Variants in PTPRK observed in about 807,000 individuals in gnomAD.
PTPRK encodes the protein receptor-type tyrosine-protein phosphatase kappa.
PTPRK carries 75 observed loss-of-function variants against 178.0 expected under a neutral mutation model. The ratio of observed to expected loss-of-function variants is 0.42; its 90% confidence interval spans 0.35 to 0.51. The LOEUF (loss-of-function observed/expected upper bound fraction) is 0.51, where lower values mean the gene tolerates loss of function less well. Ranked by LOEUF, PTPRK falls within the 20% of genes least tolerant of loss-of-function variation. The pLI is 0.02. For synonymous variants in PTPRK, 637 were observed against 620.6 expected, an observed-to-expected ratio of 1.03 and a Z score of -0.39; for missense variants, 1,441 against 1,797.8, an observed-to-expected ratio of 0.80 and a Z score of 3.59.
intron 1 of PTPRK, among the ~76,000 whole-genome samples, chr6:128,402,253 GTT>G (rs1342270959): frequency 8.8e-5 from 5 of 56,558 alleles, no homozygotes; most frequent in South Asian, 5.9e-4. Flanking sequence ...TTGTTTGTTT[GTT>G]TTTGTTTTTG....
Position 127,985,762 on chromosome 6 carries a change from T to A in PTPRK, c.3210A>T (p.Leu1070Phe). Reference protein sequence around the residue: ...GLLSFIRRVKLSNPPSAGPIV... With the variant: ...GLLSFIRRVKFSNPPSAGPIV... ...TGGGGCCAGCACTGGGAGGGTTTGATAACTTGACTCGCCGGATAAAGGAAA... is the reference window on the plus strand; with the variant it reads ...TGGGGCCAGCACTGGGAGGGTTTGAAAACTTGACTCGCCGGATAAAGGAAA... The change falls in exon 22 of 30, where the codon TTA (leucine) becomes TTT (phenylalanine). Residue 1070 changes from leucine (L) to phenylalanine (F), a missense_variant. Physicochemically the swap from Leu to Phe is conservative, Grantham distance 22. This residue lies in a region of PTPRK where 335 missense variants were observed against 512.4 expected (regional missense o/e 0.65). Coordinates refer to ENST00000368226, the MANE Select transcript of PTPRK (RefSeq NM_002844.4). 1 of 1,613,950 alleles carries A rather than the reference T, an allele frequency of 6.2e-7. No individual in the cohort carries two copies. Among genetic ancestry groups the A allele is most frequent in the Non-Finnish European group, 8.5e-7 (1 of 1,179,924 alleles).
chr6:128,397,674 C>G lies in PTPRK; in HGVS notation c.115G>C (p.Asp39His). The G allele has an allele frequency of 1.2e-6, 2 of 1,613,374 alleles. No individual in the cohort carries two copies. The highest frequency in any genetic ancestry group is 1.7e-6 in the Non-Finnish European group (2 of 1,179,474). ...TAATCACAGGCCCCTGGACCATCAT[C>G]AAAAGTACAGCCACCTAGGAGAAAA... The part of the protein sequence containing the change: ...GQFSAGGCTF[D>H]DGPGACDYHQ... Residue 39 changes from aspartate (D) to histidine (H), a missense_variant, in exon 2 of 30, where the codon GAT (aspartate) becomes CAT (histidine). Physicochemically the swap from Asp to His is moderately conservative, Grantham distance 81. This residue lies in a region of PTPRK where 158 missense variants were observed against 188.0 expected (regional missense o/e 0.84). Coordinates refer to ENST00000368226, the MANE Select transcript of PTPRK (RefSeq NM_002844.4).
chr6:127,978,711 A>G (rs1049458662), intron 25 of PTPRK, among the ~76,000 whole-genome samples: 4 of 152,166 alleles, frequency 2.6e-5, no homozygotes, highest in Non-Finnish European at 5.9e-5. Flanking sequence ...AGGGGAGGGG[A>G]TATGCATGAG....
chr6:128,064,563 C>T (rs541446153), intron 13 of PTPRK, among the ~76,000 whole-genome samples, 195 bp downstream of exon 13: 72 of 152,246 alleles, frequency 4.7e-4, no homozygotes, highest in Non-Finnish European at 9.7e-4. Context: ...TTCCTGTTAT[C>T]ATAACAAGAT....
At chr6:128,367,902 T>C (rs953487339) in intron 2 of PTPRK, among the ~76,000 whole-genome samples, 5 of 152,184 alleles carry the variant, frequency 3.3e-5, no homozygotes, top group African/African-American at 4.8e-5. Flanking sequence ...AAAAATATTC[T>C]CACTTTAATG....
At chr6:128,505,663 T>C (rs1385555881) in intron 1 of PTPRK, among the ~76,000 whole-genome samples, 1 of 152,046 alleles carries the variant, frequency 6.6e-6, no homozygotes. Flanking sequence ...ACATCTGGAG[T>C]GCACAAGTGT....
At chr6:128,115,852 C>G (rs910515851) in intron 7 of PTPRK, among the ~76,000 whole-genome samples, 2 of 151,926 alleles carry the variant, frequency 1.3e-5, no homozygotes, top group African/African-American at 4.8e-5. Context: ...TTAAATACAT[C>G]CTTCTTTTAC....
intron 3 of PTPRK, among the ~76,000 whole-genome samples, chr6:128,296,760 C>T (rs191262745): frequency 1.3e-5 from 2 of 152,194 alleles, no homozygotes; most frequent in Non-Finnish European, 2.9e-5. Context: ...GTACCAGCCA[C>T]TGCAAAATCA....
chr6:128,442,081 T>C (rs1172964608), intron 1 of PTPRK, among the ~76,000 whole-genome samples: 1 of 152,208 alleles, frequency 6.6e-6, no homozygotes, highest in Non-Finnish European at 1.5e-5. Context: ...TAAAGATGAA[T>C]ACTGCTAGAC....
chr6:128,146,008 A>G (rs143250307), intron 7 of PTPRK, among the ~76,000 whole-genome samples: 6 of 152,230 alleles, frequency 3.9e-5, no homozygotes, highest in African/African-American at 7.2e-5. Flanking sequence ...CTTTCTCTGT[A>G]CAAATGCAAT....
chr6:128,066,348 A>G (rs1781753368), intron 12 of PTPRK, among the ~76,000 whole-genome samples: 1 of 152,184 alleles, frequency 6.6e-6, no homozygotes, highest in Non-Finnish European at 1.5e-5. Context: ...TCTGGAGCAC[A>G]TCTTAGAAGA....
intron 2 of PTPRK, among the ~76,000 whole-genome samples, chr6:128,338,684 G>A (rs1831270301): frequency 6.6e-6 from 1 of 151,790 alleles, no homozygotes; most frequent in Admixed American, 6.6e-5. Context: ...TCTGCAGAAG[G>A]AAATCTTTAT....
At chr6:128,200,656 G>T (rs1231026072) in intron 6 of PTPRK, among the ~76,000 whole-genome samples, 2 of 151,548 alleles carry the variant, frequency 1.3e-5, no homozygotes, top group African/African-American at 4.9e-5. Flanking sequence ...GCTTGTATCT[G>T]GGAGGCTGAG....
At chr6:128,030,303 G>A (rs938114170) in intron 13 of PTPRK, among the ~76,000 whole-genome samples, 6 of 152,168 alleles carry the variant, frequency 3.9e-5, no homozygotes, top group Admixed American at 3.3e-4. Flanking sequence ...GGTGACTAAA[G>A]TCACAGGAAA....
intron 7 of PTPRK, among the ~76,000 whole-genome samples, chr6:128,132,367 G>T (rs1038376509): frequency 6.6e-6 from 1 of 152,096 alleles, no homozygotes; most frequent in Non-Finnish European, 1.5e-5. Context: ...GTAGAGATGG[G>T]GTTTCACCAT....
At chr6:128,304,590 G>A (rs1021022293) in intron 3 of PTPRK, among the ~76,000 whole-genome samples, 3 of 152,126 alleles carry the variant, frequency 2.0e-5, no homozygotes, top group South Asian at 2.1e-4. Flanking sequence ...CTGGTTGTTA[G>A]AGAAAATAAT....
At chr6:128,265,024 T>C (rs1219374234) in intron 3 of PTPRK, among the ~76,000 whole-genome samples, 1 of 152,184 alleles carries the variant, frequency 6.6e-6, no homozygotes. Flanking sequence ...CATTTTCTTT[T>C]GTAAATTGCC....
At chr6:128,482,836 T>A (rs1367705403) in intron 1 of PTPRK, among the ~76,000 whole-genome samples, 1 of 152,254 alleles carries the variant, frequency 6.6e-6, no homozygotes, top group Admixed American at 6.5e-5. Flanking sequence ...TCAGATAGCA[T>A]CTGTCTCTTA....
chr6:128,068,416 C>T (rs1782209542), intron 11 of PTPRK, among the ~76,000 whole-genome samples: 1 of 152,206 alleles, frequency 6.6e-6, no homozygotes. Context: ...TAGACCGCCT[C>T]CTTCTTCTGG....
Sources: allele counts gnomAD v4.1 joint callset (sites outside exome capture counted in the v4.1 genomes callset), GRCh38; gene constraint gnomAD v4.1.1; regional missense constraint gnomAD v4.1.1; transcripts MANE v1.5; gene names NCBI Gene and HGNC (gene_info 2026-07-23, HGNC 2026-07-21).